LHX4: variants seen among roughly 807,000 people sequenced by gnomAD.
LHX4 encodes the protein LIM/homeobox protein Lhx4.
LHX4 carries 16 observed loss-of-function variants against 39.2 expected under a neutral mutation model. The ratio of observed to expected loss-of-function variants is 0.41; its 90% CI spans 0.28 to 0.62. The LOEUF is 0.62. Ranked by LOEUF, LHX4 falls within the 20% of genes least tolerant of loss-of-function variation. The pLI is 0.33. For synonymous variants in LHX4, 206 were observed against 198.1 expected (o/e 1.04, Z -0.33); for missense variants, 439 against 511.9 (o/e 0.86, Z 1.37).
At chr1:180,237,977 A>G (rs1427860014) in intron 1 of LHX4, among the ~76,000 whole-genome samples, 1 of 152,244 alleles carries the variant, frequency 6.6e-6, no homozygotes, top group Non-Finnish European at 1.5e-5. Flanking sequence ...GATTTGCTTA[A>G]TGTAATTTTC....
intron 2 of LHX4, among the ~76,000 whole-genome samples, chr1:180,264,815 A>G (rs1648249686): frequency 6.6e-6 from 1 of 152,230 alleles, no homozygotes; most frequent in African/African-American, 2.4e-5. Context: ...GGAATTCAGA[A>G]GCCTGGGGTC....
Position 180,263,643 on chromosome 1 carries a change from C to CT in LHX4, c.249-2747dup, listed in dbSNP as rs549702575. ...TAAAAAACGCTGGTGGGGAAGTCCA[C>CT]TTATTTTTCATTTTTCTTGTGCACT... On this transcript the variant is annotated intron_variant, in intron 2 of 5. Coordinates refer to ENST00000263726, the MANE Select transcript of LHX4 (RefSeq NM_033343.4). 2.9e-4 allele frequency among the ~76,000 whole-genome samples: 44 copies of CT among 152,368 alleles called. 2 individuals carry two copies. In the South Asian group the frequency reaches 6.4e-3, roughly 22 times the overall value.
intron 2 of LHX4, among the ~76,000 whole-genome samples, chr1:180,263,667 C>G (rs1648198072): frequency 6.6e-6 from 1 of 152,238 alleles, no homozygotes; most frequent in Non-Finnish European, 1.5e-5. Flanking sequence ...TTCTTGTGCA[C>G]TTGCCACCCT....
intron 2 of LHX4, among the ~76,000 whole-genome samples, chr1:180,264,892 G>A (rs1343754221): frequency 6.6e-6 from 1 of 152,166 alleles, no homozygotes; most frequent in East Asian, 1.9e-4. Flanking sequence ...TCAGAAGAGT[G>A]TTCCCTGAAG....
At chr1:180,261,215 G>T (rs1648102511) in intron 2 of LHX4, among the ~76,000 whole-genome samples, 1 of 150,848 alleles carries the variant, frequency 6.6e-6, no homozygotes, top group South Asian at 2.1e-4. Flanking sequence ...GGGGAGAGGG[G>T]AGCTGACCGC....
intron 1 of LHX4, 89 bp from the exon 2 acceptor site, chr1:180,248,196 G>T (rs1647461092): frequency 7.9e-7 from 1 of 1,265,992 alleles, no homozygotes; most frequent in Non-Finnish European, 1.1e-6. Flanking sequence ...TCCACCATCA[G>T]CAGAGTGGGA....
chr1:180,242,277 G>GTA (rs1449283945), intron 1 of LHX4, among the ~76,000 whole-genome samples: 1 of 151,910 alleles, frequency 6.6e-6, no homozygotes. Context: ...GTGTGTGTGT[G>GTA]TACATGTGAG....
chr1:180,242,263 T>TTG (rs145401539), intron 1 of LHX4, among the ~76,000 whole-genome samples: 15,076 of 151,130 alleles, frequency 0.1, 826 homozygotes, highest in South Asian at 0.18. Context: ...GTGCATGTGT[T>TTG]TGTGTGTGTG....
At chr1:180,251,931 C>G (rs1474819597) in intron 2 of LHX4, among the ~76,000 whole-genome samples, 3 of 152,210 alleles carry the variant, frequency 2.0e-5, no homozygotes, top group Non-Finnish European at 2.9e-5. Context: ...GGAGGGCCAA[C>G]CCGAGATGAA....
In LHX4 at chr1:180,277,472, C is replaced by G. The variant is rs903294549; in HGVS notation, c.*2893C>G. ...CTGGTCGACTTTAGAGTAGGAAGCT[C>G]TTGAATCCAGGAGCAAATTAGTTAA... On this transcript the variant is annotated 3_prime_UTR_variant, in exon 6 of 6. Transcript: ENST00000263726. The G allele has an allele frequency of 2.0e-5, 3 of 152,166 alleles. No homozygotes were observed. The highest frequency in any genetic ancestry group is 2.9e-5 in the Non-Finnish European group (2 of 68,022). 9.4% of individuals were successfully genotyped at this position (152,166 alleles called of 1,614,324 possible).
Position 180,237,344 on chromosome 1 carries a change from G to T in LHX4, c.76+6739G>T, listed in dbSNP as rs187499038. Among the ~76,000 whole-genome samples the T allele has an allele frequency of 4.1e-4, 63 of 152,238 alleles. No homozygotes were observed. In the East Asian group the frequency reaches 0.01, roughly 25 times the overall value. On this transcript the variant is annotated intron_variant, in intron 1 of 5. Coordinates refer to ENST00000263726, the MANE Select transcript of LHX4 (RefSeq NM_033343.4). ...AGGACAGAAGCCGCCCTGGAGCTGG[G>T]CTCTTATTGTCTGTGGTAGGAAGAA...
chr1:180,272,068 C>T lies in LHX4; in HGVS notation c.778+62C>T, dbSNP rs1571296042. On this transcript the variant is annotated intron_variant, in intron 5 of 5. Transcript: ENST00000263726. ...GAAAGTCCCCTGGGAATCTGTAATC[C>T]CTGGCACTCAGGAGGGATCTTTCTT... 8 of 1,487,500 alleles carry T rather than the reference C, an allele frequency of 5.4e-6. No individual in the cohort carries two copies. The East Asian group carries it at 1.6e-4, about 30-fold the overall frequency. 92.1% of individuals were successfully genotyped at this position (1,487,500 alleles called of 1,614,324 possible).
chr1:180,230,629 GATTTA>G lies in LHX4; in HGVS notation c.76+28_76+32del. Reference sequence around the variant, plus strand: ...ACGTAAGACACCCCCCTTTCTCGCTGATTTAATTCTAACAAGACAGCTAGCAGCCT... The same window carrying G: ...ACGTAAGACACCCCCCTTTCTCGCTGATTCTAACAAGACAGCTAGCAGCCT... On this transcript the variant is annotated intron_variant, in intron 1 of 5. Coordinates refer to ENST00000263726, the MANE Select transcript of LHX4 (RefSeq NM_033343.4). The surrounding 1 kb of genome is among the most constrained non-coding windows in gnomAD (Gnocchi z 5.8). 1 of 1,604,846 alleles carries G rather than the reference GATTTA, an allele frequency of 6.2e-7. No homozygotes were observed. The highest frequency in any genetic ancestry group is 8.5e-7 in the Non-Finnish European group (1 of 1,172,250).
upstream of LHX4, among the ~76,000 whole-genome samples, chr1:180,229,975 G>GGGGT: frequency 8.3e-6 from 1 of 120,214 alleles, no homozygotes; most frequent in African/African-American, 3.0e-5. Flanking sequence ...GGGGGGGGGG[G>GGGGT]TGCCGGCTTG....
chr1:180,274,024 A>C, intron 5 of LHX4, 161 bp from the exon 6 acceptor site: 1 of 800,112 alleles, frequency 1.2e-6, no homozygotes, highest in Non-Finnish European at 2.1e-6. Flanking sequence ...TGGCCTCTGG[A>C]TATCAGGCTG....
intron 1 of LHX4, among the ~76,000 whole-genome samples, chr1:180,247,612 C>T (rs555596080): frequency 5.3e-5 from 8 of 152,292 alleles, no homozygotes; most frequent in South Asian, 2.1e-4. Flanking sequence ...AAATGTGAGC[C>T]GCTAGGGCAT....
In LHX4 at chr1:180,234,835, A is replaced by G. The variant is rs534069533; in HGVS notation, c.76+4230A>G. 2.0e-5 allele frequency among the ~76,000 whole-genome samples: 3 copies of G among 152,318 alleles called. No individual in the cohort carries two copies. The highest frequency in any genetic ancestry group is 7.2e-5 in the African/African-American group (3 of 41,580). ...GCGGGGCTACGCAGGGCTGAGCAGG[A>G]GTGGCGTCCTAGGGTCTGGGAGCGC... On this transcript the variant is annotated intron_variant, in intron 1 of 5. Transcript: ENST00000263726. This position sits in a 1 kb window ranked among gnomAD's most constrained non-coding sequence, Gnocchi z 4.8.
At position 180,278,451 on chromosome 1, in the gene LHX4, C is replaced by T. The variant is rs1649173423; in HGVS notation, c.*3872C>T. The T allele has an allele frequency of 6.6e-6, 1 of 152,104 alleles. No individual in the cohort carries two copies. 9.4% of individuals were successfully genotyped at this position (152,104 alleles called of 1,614,324 possible). On this transcript the variant is annotated 3_prime_UTR_variant, in exon 6 of 6. Transcript: ENST00000263726. Reference sequence around the variant, plus strand: ...GAGAGCTCAGCAAAGCCATCCCATCCACACTCTGCTTGGTAGGACCACACT... The same window carrying T: ...GAGAGCTCAGCAAAGCCATCCCATCTACACTCTGCTTGGTAGGACCACACT...
At chr1:180,262,869 T>C (rs969538046) in intron 2 of LHX4, among the ~76,000 whole-genome samples, 2 of 152,172 alleles carry the variant, frequency 1.3e-5, no homozygotes, top group Non-Finnish European at 2.9e-5. Context: ...GATAAGACAA[T>C]TTCCAGTGGT....
Sources: gnomAD v4.1 joint callset for allele counts (sites outside exome capture counted in the v4.1 genomes callset) on GRCh38, gnomAD v4.1.1 for gene constraint, Gnocchi (gnomAD v3.1) non-coding constraint, MANE v1.5 for transcripts, NCBI Gene and HGNC (gene_info 2026-07-23, HGNC 2026-07-21) for gene names.